WIPF1: variants seen among roughly 807,000 people sequenced by gnomAD.
WIPF1 encodes WAS/WASL-interacting protein family member 1.
In WIPF1, 13 loss-of-function variants were observed where a neutral mutation model predicts 35.4. The observed-to-expected ratio is 0.37, with a 90% confidence interval of 0.24 to 0.58. WIPF1 has a LOEUF of 0.58. Among genes scored for constraint, WIPF1 ranks in the 20% least tolerant of loss-of-function variants. The pLI is 0.74. For synonymous variants in WIPF1, 267 were observed against 266.3 expected, an observed-to-expected ratio of 1.00 and a Z score of -0.02; for missense variants, 591 against 667.0, an observed-to-expected ratio of 0.89 and a Z score of 1.25.
intron 1 of WIPF1, among the ~76,000 whole-genome samples, chr2:174,672,618 C>T (rs1022845120): frequency 1.3e-5 from 2 of 152,234 alleles, no homozygotes; most frequent in African/African-American, 4.8e-5. Context: ...CAGGCTTCGG[C>T]TCCTCAGGCC....
intron 3 of WIPF1, among the ~76,000 whole-genome samples, chr2:174,578,583 C>G (rs1171850620): frequency 3.3e-5 from 5 of 152,142 alleles, no homozygotes; most frequent in Non-Finnish European, 5.9e-5. Flanking sequence ...CTTTATTACA[C>G]TACTTTAATT....
chr2:174,561,300 T>G lies in WIPF1; in HGVS notation c.*1247A>C, dbSNP rs1684477931. On this transcript the variant is annotated 3_prime_UTR_variant, in exon 8 of 8. Transcript: ENST00000679041. ...CACCAACTCAAATCGGTTCCCTTCT[T>G]CTTCCATGTTTCTGATTTGATATAT... is the stretch of plus-strand genomic sequence containing the variant. 1 of 152,518 alleles carries G rather than the reference T, an allele frequency of 6.6e-6. No individual in the cohort carries two copies. Among genetic ancestry groups the G allele is most frequent in the Non-Finnish European group, 1.5e-5 (1 of 68,058 alleles). 9.4% of individuals were successfully genotyped at this position (152,518 alleles called of 1,614,324 possible).
At chr2:174,672,942 A>C (rs1688051510) in intron 1 of WIPF1, among the ~76,000 whole-genome samples, 1 of 152,210 alleles carries the variant, frequency 6.6e-6, no homozygotes, top group African/African-American at 2.4e-5. Context: ...TCTTAACCTG[A>C]AAGTAACTTA....
chr2:174,597,376 A>G (rs1685852767), intron 1 of WIPF1, among the ~76,000 whole-genome samples: 1 of 152,234 alleles, frequency 6.6e-6, no homozygotes, highest in Non-Finnish European at 1.5e-5. Flanking sequence ...AAAAAATTCT[A>G]TTGAAAATCT....
At chr2:174,595,203 A>C (rs1685779046) in intron 1 of WIPF1, among the ~76,000 whole-genome samples, 1 of 136,284 alleles carries the variant, frequency 7.3e-6, no homozygotes, top group Non-Finnish European at 1.5e-5. Flanking sequence ...AGGTGGGAGG[A>C]CTGCTTGAGT....
At chr2:174,578,759 A>G (rs373044438) in intron 3 of WIPF1, among the ~76,000 whole-genome samples, 2 of 152,342 alleles carry the variant, frequency 1.3e-5, no homozygotes, top group Admixed American at 6.5e-5. Context: ...CTGCTGTGGA[A>G]GAAATAATCT....
At chr2:174,648,101 C>A (rs983825287) in intron 1 of WIPF1, among the ~76,000 whole-genome samples, 4 of 152,166 alleles carry the variant, frequency 2.6e-5, no homozygotes, top group Non-Finnish European at 5.9e-5. Flanking sequence ...CGCAGACAGG[C>A]TGACTTACAT....
intron 1 of WIPF1, among the ~76,000 whole-genome samples, chr2:174,669,152 C>T (rs144926250): frequency 6.6e-6 from 1 of 152,322 alleles, no homozygotes; most frequent in Non-Finnish European, 1.5e-5. Context: ...TCATCCCTGA[C>T]TTCTGTGGCC....
intron 1 of WIPF1, among the ~76,000 whole-genome samples, chr2:174,669,617 C>T (rs1687964351): frequency 6.6e-6 from 1 of 152,248 alleles, no homozygotes; most frequent in African/African-American, 2.4e-5. Flanking sequence ...CGCCGTGGCT[C>T]ACGCCTGTAG....
At chr2:174,564,258 G>A (rs1405143396) in intron 7 of WIPF1, among the ~76,000 whole-genome samples, 1 of 152,122 alleles carries the variant, frequency 6.6e-6, no homozygotes, top group Non-Finnish European at 1.5e-5. Flanking sequence ...CATGCCTAAT[G>A]CTGGAAATAT....
intron 3 of WIPF1, 71 bp downstream of exon 3, chr2:174,581,239 T>G (rs2105830470): frequency 6.5e-7 from 1 of 1,533,732 alleles, no homozygotes; most frequent in Admixed American, 2.2e-5. Flanking sequence ...AAAAATTGAG[T>G]GGTGAGGGTA....
chr2:174,587,999 C>G (rs1273650381), intron 1 of WIPF1, among the ~76,000 whole-genome samples: 1 of 152,196 alleles, frequency 6.6e-6, no homozygotes, highest in Non-Finnish European at 1.5e-5. Context: ...CATAGGGCCA[C>G]ATGGGCATTG....
intron 1 of WIPF1, among the ~76,000 whole-genome samples, chr2:174,642,994 T>C (rs761936247): frequency 1.3e-5 from 2 of 149,672 alleles, no homozygotes; most frequent in Non-Finnish European, 2.9e-5. Flanking sequence ...AACTTTTAAA[T>C]AGTCCATAGT....
intron 1 of WIPF1, among the ~76,000 whole-genome samples, chr2:174,595,140 A>ATATATAT (rs1260140362): frequency 6.2e-5 from 8 of 128,484 alleles, no homozygotes; most frequent in African/African-American, 1.2e-4. Context: ...ATATATATAT[A>ATATATAT]ATTAACTGGG....
Position 174,572,216 on chromosome 2 carries a change from T to G in WIPF1, c.589A>C (p.Ser197Arg). The G allele has an allele frequency of 6.2e-7, 1 of 1,614,124 alleles. No individual in the cohort carries two copies. Among genetic ancestry groups the G allele is most frequent in the Non-Finnish European group, 8.5e-7 (1 of 1,180,018 alleles). ...VPSTPRPIQS[S>R]PHNRGSPPVP... ...GGTGGGGACCCCCGGTTGTGCGGAC[T>G]TGATTGAATGGGTCTTGGAGTACTA... is the stretch of plus-strand genomic sequence containing the variant. Residue 197 changes from serine to arginine, a missense_variant, in exon 5 of 8, where the codon AGT becomes CGT. Around this residue, in one of 3 missense-constraint regions of WIPF1, gnomAD observed 471 missense variants for 501.1 expected, o/e 0.94. Coordinates refer to ENST00000679041, the MANE Select transcript of WIPF1 (RefSeq NM_001375834.1).
chr2:174,616,951 C>T (rs1224058375), intron 1 of WIPF1, among the ~76,000 whole-genome samples: 5 of 151,908 alleles, frequency 3.3e-5, no homozygotes, highest in African/African-American at 1.2e-4. Context: ...ATTTGTCTCA[C>T]AACTGATGAT....
At chr2:174,567,262 A>G (rs1574784997) in intron 6 of WIPF1, 79 bp from the exon 7 acceptor site, 1 of 1,255,212 alleles carries the variant, frequency 8.0e-7, no homozygotes, top group Non-Finnish European at 1.2e-6. Flanking sequence ...CACAGAATGA[A>G]AGAGAGAGAG....
chr2:174,631,676 A>C (rs1215116518), intron 1 of WIPF1, among the ~76,000 whole-genome samples: 4 of 152,240 alleles, frequency 2.6e-5, no homozygotes, highest in African/African-American at 9.6e-5. Context: ...TGGTGATAAC[A>C]ATAATACCTT....
chr2:174,640,607 ATG>A (rs1211888772), intron 1 of WIPF1, among the ~76,000 whole-genome samples: 1 of 151,908 alleles, frequency 6.6e-6, no homozygotes, highest in Non-Finnish European at 1.5e-5. Context: ...GTATGTATGT[ATG>A]TATTTATTTA....
Sources: gnomAD v4.1 joint callset for allele counts (sites outside exome capture counted in the v4.1 genomes callset) on GRCh38, gnomAD v4.1.1 for gene constraint, gnomAD v4.1.1 regional missense constraint, MANE v1.5 for transcripts, NCBI Gene and HGNC (gene_info 2026-07-23, HGNC 2026-07-21) for gene names.